Variants in SLA observed in about 807,000 individuals in gnomAD.
The protein encoded by SLA is src-like-adapter.
A neutral mutation model predicts 30.3 loss-of-function variants in SLA; 16 were observed. That is an observed-to-expected ratio of 0.53 (90% CI 0.36 to 0.80). SLA has a LOEUF of 0.80. Ranked by LOEUF, SLA falls within the 30% of genes least tolerant of loss-of-function variation. The probability of loss-of-function intolerance (pLI) is 0.01; values close to 1 mark genes in which losing one functional copy is unlikely to be tolerated. For synonymous variants in SLA, 143 were observed against 137.8 expected (o/e 1.04, Z -0.26); for missense variants, 310 against 345.2 (o/e 0.90, Z 0.81).
At chr8:133,093,478 C>T (rs1847913156) in intron 1 of SLA, among the ~76,000 whole-genome samples, 1 of 152,142 alleles carries the variant, frequency 6.6e-6, no homozygotes, top group Non-Finnish European at 1.5e-5. Flanking sequence ...CGGTTAAGGA[C>T]AGAAAATCAC....
At chr8:133,082,090 C>T (rs1333503727) in intron 1 of SLA, among the ~76,000 whole-genome samples, 1 of 152,182 alleles carries the variant, frequency 6.6e-6, no homozygotes, top group Non-Finnish European at 1.5e-5. Context: ...AGACAAAAGA[C>T]AAAGTCTTCC....
chr8:133,055,353 A>G (rs373293726), intron 3 of SLA, among the ~76,000 whole-genome samples: 2,984 of 79,900 alleles, frequency 0.037, 64 homozygotes, highest in African/African-American at 0.091. Context: ...CAGGACACAC[A>G]CACGCACGCG....
chr8:133,048,541 G>C (rs901436486), intron 5 of SLA: 3 of 155,514 alleles, frequency 1.9e-5, no homozygotes, highest in African/African-American at 7.2e-5. Flanking sequence ...TATTTGATAT[G>C]TTAAGGGATG....
chr8:133,070,281 G>A (rs547822086), intron 2 of SLA, among the ~76,000 whole-genome samples: 23 of 152,226 alleles, frequency 1.5e-4, no homozygotes, highest in African/African-American at 5.5e-4. Context: ...AGCACAGGCC[G>A]CATCCAGACA....
At chr8:133,086,841 G>A (rs1846643120) in intron 1 of SLA, among the ~76,000 whole-genome samples, 1 of 152,140 alleles carries the variant, frequency 6.6e-6, no homozygotes, top group South Asian at 2.1e-4. Flanking sequence ...GCAAATCAGA[G>A]CTGGGATTTG....
At chr8:133,088,946 A>C (rs1847051942) in intron 1 of SLA, among the ~76,000 whole-genome samples, 2 of 152,250 alleles carry the variant, frequency 1.3e-5, no homozygotes, top group Admixed American at 6.5e-5. Context: ...GGATGTTTAA[A>C]AAAAGTCCAT....
At chr8:133,078,726 C>T (rs1845278990) in intron 1 of SLA, among the ~76,000 whole-genome samples, 1 of 152,184 alleles carries the variant, frequency 6.6e-6, no homozygotes, top group South Asian at 2.1e-4. Context: ...AGGCCCAGAA[C>T]AAAACAATGT....
chr8:133,099,843 A>G (rs1004783536), intron 1 of SLA, among the ~76,000 whole-genome samples: 1 of 152,156 alleles, frequency 6.6e-6, no homozygotes, highest in African/African-American at 2.4e-5. Flanking sequence ...CTCTTCTGCT[A>G]TCACCCTGAT....
intron 2 of SLA, 75 bp downstream of exon 2, chr8:133,074,778 A>C: frequency 3.4e-6 from 3 of 874,546 alleles, no homozygotes; most frequent in Non-Finnish European, 4.1e-6. Context: ...CAGAAAGTCA[A>C]CCCCTGCCAA....
At chr8:133,088,886 C>G (rs1847036712) in intron 1 of SLA, among the ~76,000 whole-genome samples, 1 of 152,014 alleles carries the variant, frequency 6.6e-6, no homozygotes, top group African/African-American at 2.4e-5. Context: ...ATCAAGAAAA[C>G]AAGATGATTT....
At chr8:133,067,058 T>G (rs913521959) in intron 2 of SLA, among the ~76,000 whole-genome samples, 1 of 152,190 alleles carries the variant, frequency 6.6e-6, no homozygotes, top group African/African-American at 2.4e-5. Flanking sequence ...ACTTGCTCAG[T>G]GCTGCCTGTG....
chr8:133,095,454 G>T (rs76591611), intron 1 of SLA, among the ~76,000 whole-genome samples: 37 of 152,262 alleles, frequency 2.4e-4, no homozygotes, highest in Non-Finnish European at 4.7e-4. Context: ...TTTATAACAT[G>T]GGAATAGTTA....
Position 133,040,086 on chromosome 8 carries a change from T to C in SLA, c.529A>G (p.Thr177Ala). The change falls in exon 8 of 9, where the codon ACA becomes GCA. Residue 177 changes from threonine to alanine, a missense_variant. Thr to Ala is a moderately conservative substitution (Grantham distance 58). Coordinates refer to ENST00000338087, the MANE Select transcript of SLA (RefSeq NM_001045556.3). Reference protein sequence around the residue: ...LCCVLTTPCLTQSTAAPAVRA... With the variant: ...LCCVLTTPCLAQSTAAPAVRA... ...ACTGCTGGGGCAGCCGTGCTTTGTG[T>C]CAGGCAGGGCGTGGTGAGCACACAG... 1 of 1,565,108 alleles carries C rather than the reference T, an allele frequency of 6.4e-7. No individual in the cohort carries two copies. The highest frequency in any genetic ancestry group is 8.7e-7 in the Non-Finnish European group (1 of 1,154,672).
At chr8:133,092,025 C>T (rs1847630711) in intron 1 of SLA, among the ~76,000 whole-genome samples, 2 of 152,192 alleles carry the variant, frequency 1.3e-5, no homozygotes, top group African/African-American at 4.8e-5. Flanking sequence ...TAGACAAACT[C>T]CAAGTCTCCT....
At chr8:133,052,128 A>G (rs1043771031) in intron 3 of SLA, among the ~76,000 whole-genome samples, 1 of 152,200 alleles carries the variant, frequency 6.6e-6, no homozygotes, top group African/African-American at 2.4e-5. Context: ...ACACCTCTAG[A>G]TCCTGCCTCT....
chr8:133,042,678 C>CCTTTTTT (rs1554706932), intron 7 of SLA, among the ~76,000 whole-genome samples: 2,090 of 56,872 alleles, frequency 0.037, 245 homozygotes, highest in East Asian at 0.13. Context: ...CATTCTGTGT[C>CCTTTTTT]TTTTTTTTTT....
intron 1 of SLA, among the ~76,000 whole-genome samples, chr8:133,090,761 T>C (rs1274487140): frequency 6.6e-6 from 1 of 152,146 alleles, no homozygotes; most frequent in Non-Finnish European, 1.5e-5. Flanking sequence ...AACTGGAAGC[T>C]CAGAAAGACA....
intron 3 of SLA, among the ~76,000 whole-genome samples, chr8:133,054,464 C>T (rs575545468): frequency 1.1e-3 from 172 of 152,124 alleles, no homozygotes; most frequent in African/African-American, 1.4e-3. Context: ...TTGATTTCTT[C>T]GTGAATAAAA....
intron 1 of SLA, among the ~76,000 whole-genome samples, chr8:133,100,324 A>G (rs559867268): frequency 3.2e-4 from 49 of 152,018 alleles, no homozygotes; most frequent in African/African-American, 1.1e-3. Flanking sequence ...TACATCCTAC[A>G]CCCTACCCCA....
Sources: gnomAD v4.1 joint callset for allele counts (sites outside exome capture counted in the v4.1 genomes callset) on GRCh38, gnomAD v4.1.1 for gene constraint, MANE v1.5 for transcripts, NCBI Gene and HGNC (gene_info 2026-07-23, HGNC 2026-07-21) for gene names.